UGT2B7: variants seen among roughly 807,000 people sequenced by gnomAD.
UGT2B7 encodes the protein UDP glucuronosyltransferase family 2 member B7.
In UGT2B7, 51 loss-of-function variants were observed where a neutral mutation model predicts 51.9. The observed-to-expected ratio is 0.98, with a 90% CI of 0.78 to 1.24. The LOEUF is 1.24. Among genes scored for constraint, UGT2B7 ranks in the 50% most tolerant of loss-of-function variants. The pLI, the probability that UGT2B7 is intolerant of heterozygous loss-of-function variation, is 0.00. For synonymous variants in UGT2B7, 225 were observed against 211.6 expected (o/e 1.06, Z -0.55); for missense variants, 727 against 628.4 (o/e 1.16, Z -1.68).
At chr4:69,090,659 G>T (rs988645938) in intron 2 of UGT2B7, among the ~76,000 whole-genome samples, 4 of 152,144 alleles carry the variant, frequency 2.6e-5, no homozygotes, top group African/African-American at 7.2e-5. Context: ...ACAACATGTG[G>T]GAATTGTGGT....
At chr4:69,067,306 G>C (rs978672453) in intron 1 of UGT2B7, 21 of 152,368 alleles carry the variant, frequency 1.4e-4, no homozygotes, top group Non-Finnish European at 2.8e-4. Flanking sequence ...TTGTTATCTA[G>C]AGAACACTGC....
Position 69,096,727 on chromosome 4 carries a change from A to T in UGT2B7, c.207A>T (p.Ser69=). Residue 69 remains serine (S), a synonymous_variant, in exon 1 of 6, where the codon TCA becomes TCT. Transcript: ENST00000305231. ...CCATTCTTTTTGATCCCAACAACTC[A>T]TCCGCTCTTAAAATTGAAATTTATC... ...SASILFDPNN[S]SALKIEIYPT... 1 of 1,613,994 alleles carries T rather than the reference A, an allele frequency of 6.2e-7. No individual in the cohort carries two copies. Among genetic ancestry groups the T allele is most frequent in the South Asian group, 1.1e-5 (1 of 91,078 alleles).
chr4:69,091,406 T>C (rs1207573235), intron 2 of UGT2B7, among the ~76,000 whole-genome samples: 1 of 152,126 alleles, frequency 6.6e-6, no homozygotes, highest in Non-Finnish European at 1.5e-5. Context: ...TTGTTTTTTT[T>C]TTCTGTCATT....
chr4:69,064,136 G>T (rs552295367), intron 1 of UGT2B7, among the ~76,000 whole-genome samples: 12 of 150,864 alleles, frequency 8.0e-5, no homozygotes, highest in African/African-American at 2.2e-4. Flanking sequence ...AAGAAAGAAA[G>T]AAAAACAAAA....
intron 1 of UGT2B7, among the ~76,000 whole-genome samples, chr4:69,073,303 T>C (rs757068951): frequency 1.3e-5 from 2 of 152,326 alleles, no homozygotes; most frequent in East Asian, 1.9e-4. Flanking sequence ...ATTGAGTTCA[T>C]TGCAAGTTCC....
rs536702619 is a variant in UGT2B7 at position 69,102,676 on chromosome 4, A to T, written c.871-131A>T. 64 of 1,403,086 alleles carry T rather than the reference A, an allele frequency of 4.6e-5. No homozygotes were observed. The African/African-American group carries it at 8.0e-4, about 18-fold the overall frequency. 86.9% of individuals were successfully genotyped at this position (1,403,086 alleles called of 1,614,324 possible). A position where few individuals can be genotyped will look rare whatever the true frequency, so the allele number is the denominator to read the frequency against. ...AAAAAACTGAGTGATTGGGTCAGTT[A>T]AAAAATATTATTTACTCCAATAATT... is the stretch of plus-strand genomic sequence containing the variant. On this transcript the variant is annotated intron_variant, in intron 2 of 5. Coordinates refer to ENST00000305231, the MANE Select transcript of UGT2B7 (RefSeq NM_001074.4).
chr4:69,088,192 T>C (rs1228827665), intron 1 of UGT2B7, among the ~76,000 whole-genome samples: 2 of 152,104 alleles, frequency 1.3e-5, no homozygotes, highest in Non-Finnish European at 2.9e-5. Flanking sequence ...TGCTGATTCC[T>C]TACTCTGTTT....
chr4:69,058,622 A>T (rs1263937779), intron 1 of UGT2B7, among the ~76,000 whole-genome samples: 1 of 152,262 alleles, frequency 6.6e-6, no homozygotes, highest in East Asian at 1.9e-4. Context: ...TAGTGAGGCC[A>T]GCACATGCTG....
intron 1 of UGT2B7, among the ~76,000 whole-genome samples, chr4:69,063,146 C>T (rs923130390): frequency 2.0e-5 from 3 of 150,936 alleles, no homozygotes; most frequent in Non-Finnish European, 4.4e-5. Context: ...GGTGAAACCC[C>T]GTCTCTACTA....
intron 1 of UGT2B7, among the ~76,000 whole-genome samples, chr4:69,059,984 G>C (rs989778930): frequency 4.6e-5 from 7 of 152,096 alleles, no homozygotes; most frequent in African/African-American, 1.4e-4. Flanking sequence ...CTTTTCAATG[G>C]GGTAAATCAC....
chr4:69,108,963 T>G (rs534558523), intron 5 of UGT2B7, among the ~76,000 whole-genome samples: 18 of 152,178 alleles, frequency 1.2e-4, no homozygotes, highest in African/African-American at 4.3e-4. Flanking sequence ...ATTATTCTCT[T>G]TAGATATTTC....
At chr4:69,058,819 C>T (rs1358644655) in intron 1 of UGT2B7, among the ~76,000 whole-genome samples, 4 of 152,178 alleles carry the variant, frequency 2.6e-5, no homozygotes, top group African/African-American at 2.4e-5. Context: ...CTGGCAGCAG[C>T]TCTCACAGGG....
intron 5 of UGT2B7, among the ~76,000 whole-genome samples, chr4:69,111,930 C>T (rs1417420600): frequency 6.6e-6 from 1 of 152,138 alleles, no homozygotes; most frequent in Non-Finnish European, 1.5e-5. Context: ...AAAAGCCTTT[C>T]GTAAACTTGA....
At chr4:69,052,040 G>A (rs1718032527) in intron 1 of UGT2B7, among the ~76,000 whole-genome samples, 1 of 152,118 alleles carries the variant, frequency 6.6e-6, no homozygotes, top group South Asian at 2.1e-4. Context: ...TGAGAACTAT[G>A]TTAAAGAATT....
At chr4:69,097,987 C>T (rs949812492) in intron 1 of UGT2B7, among the ~76,000 whole-genome samples, 8 of 151,884 alleles carry the variant, frequency 5.3e-5, no homozygotes, top group African/African-American at 1.9e-4. Context: ...AATATATTTA[C>T]TTAAAAATAT....
chr4:69,065,098 CG>C (rs1367638265), intron 1 of UGT2B7, among the ~76,000 whole-genome samples: 1 of 151,170 alleles, frequency 6.6e-6, no homozygotes, highest in Non-Finnish European at 1.5e-5. Flanking sequence ...AAGTAGGTAT[CG>C]AAAAAAAAAT....
chr4:69,074,837 G>A (rs903704707), intron 1 of UGT2B7, among the ~76,000 whole-genome samples: 1 of 151,936 alleles, frequency 6.6e-6, no homozygotes, highest in Non-Finnish European at 1.5e-5. Flanking sequence ...ACAACTGGTG[G>A]ACATTCTTCC....
chr4:69,061,716 G>A (rs186663978), intron 1 of UGT2B7, among the ~76,000 whole-genome samples: 1 of 152,256 alleles, frequency 6.6e-6, no homozygotes, highest in Non-Finnish European at 1.5e-5. Context: ...ATGGCTCACC[G>A]CTATTACTTG....
chr4:69,092,470 T>C (rs922923030), upstream of UGT2B7, among the ~76,000 whole-genome samples: 2 of 152,174 alleles, frequency 1.3e-5, no homozygotes, highest in Non-Finnish European at 2.9e-5. Flanking sequence ...GTCCCTTTTG[T>C]GCTCACACTT....
Sources: gnomAD v4.1 joint callset for allele counts (sites outside exome capture counted in the v4.1 genomes callset) on GRCh38, gnomAD v4.1.1 for gene constraint, MANE v1.5 for transcripts, NCBI Gene and HGNC (gene_info 2026-07-23, HGNC 2026-07-21) for gene names.